The following PTK2 variants were observed in gnomAD, a reference collection of about 807,000 sequenced individuals.
PTK2 encodes the protein focal adhesion kinase 1.
Under a neutral mutation model 150.1 loss-of-function variants are expected in PTK2, and 45 were observed. That is an observed-to-expected ratio of 0.30 (90% CI 0.24 to 0.38). The LOEUF (loss-of-function observed/expected upper bound fraction) is 0.38, where lower values mean the gene tolerates loss of function less well. PTK2 is among the 10% of genes least tolerant of loss of function. PTK2 has a pLI of 1.00. For synonymous variants in PTK2, 432 were observed against 449.2 expected, an observed-to-expected ratio of 0.96 and a Z score of 0.48; for missense variants, 919 against 1,307.3, an observed-to-expected ratio of 0.70 and a Z score of 4.58.
At chr8:140,659,585 G>C (rs1234449412) in exon 32 of PTK2, 1 of 1,614,106 alleles carries the variant, frequency 6.2e-7, no homozygotes, top group Admixed American at 1.7e-5. Context: ...TTGTACTCTT[G>C]CTGGAGGCTG....
At chr8:140,681,745 C>T (rs927308667) in intron 27 of PTK2, among the ~76,000 whole-genome samples, 1 of 152,174 alleles carries the variant, frequency 6.6e-6, no homozygotes, top group Non-Finnish European at 1.5e-5. Flanking sequence ...CCACTGCACT[C>T]CAGCCTGGGC....
intron 1 of PTK2, among the ~76,000 whole-genome samples, chr8:140,961,725 T>C (rs1042839348): frequency 6.6e-6 from 1 of 151,494 alleles, no homozygotes; most frequent in South Asian, 2.1e-4. Context: ...AAGTTAATAC[T>C]AGAGAGCTCA....
chr8:140,691,198 G>A (rs527311559), intron 26 of PTK2, among the ~76,000 whole-genome samples: 1 of 147,214 alleles, frequency 6.8e-6, no homozygotes, highest in South Asian at 2.3e-4. Flanking sequence ...GATGGTTGGG[G>A]GTGGGGGGTC....
At chr8:140,811,180 C>A (rs745328953) in intron 10 of PTK2, among the ~76,000 whole-genome samples, 3 of 152,186 alleles carry the variant, frequency 2.0e-5, no homozygotes, top group Non-Finnish European at 2.9e-5. Flanking sequence ...TCTGGGAGCA[C>A]CCCTACCCCC....
rs753088073 is a variant in PTK2 at position 140,706,255 on chromosome 8, A to G, written c.2143-50T>C. The G allele has an allele frequency of 5.8e-6, 8 of 1,386,736 alleles. No individual in the cohort carries two copies. In the Admixed American group the frequency reaches 1.0e-4, roughly 18 times the overall value. 85.9% of individuals were successfully genotyped at this position (1,386,736 alleles called of 1,614,324 possible). On this transcript the variant is annotated intron_variant, in intron 23 of 31. Transcript: ENST00000522684. ...TGAATGAACCTTTTGATTTTGACAA[A>G]CCTGTACTTTATGAATCGAAAAAGA...
At chr8:140,742,522 C>T (rs1400080872) in intron 20 of PTK2, among the ~76,000 whole-genome samples, 4 of 152,178 alleles carry the variant, frequency 2.6e-5, no homozygotes, top group Non-Finnish European at 4.4e-5. Context: ...GCATCTTTGC[C>T]AGCATATTCT....
At chr8:140,697,412 C>T (rs571753576) in intron 26 of PTK2, among the ~76,000 whole-genome samples, 155 of 134,756 alleles carry the variant, frequency 1.2e-3, no homozygotes, top group Non-Finnish European at 1.8e-3. Context: ...TCTTAGAATA[C>T]GGTTTGTGTG....
At chr8:140,934,885 G>A (rs908023874) in intron 1 of PTK2, among the ~76,000 whole-genome samples, 1 of 151,576 alleles carries the variant, frequency 6.6e-6, no homozygotes, top group Non-Finnish European at 1.5e-5. Flanking sequence ...TTTTCTGTAG[G>A]GAAAAGAAAG....
intron 15 of PTK2, among the ~76,000 whole-genome samples, chr8:140,763,695 T>TCCCCA (rs1228853879): frequency 1.3e-5 from 2 of 151,986 alleles, no homozygotes; most frequent in Non-Finnish European, 2.9e-5. Context: ...TCTGTTTCTC[T>TCCCCA]CCCCACACCT....
intron 4 of PTK2, among the ~76,000 whole-genome samples, chr8:140,868,782 C>T (rs1240406233): frequency 6.6e-6 from 1 of 152,018 alleles, no homozygotes; most frequent in African/African-American, 2.4e-5. Flanking sequence ...CATAATGACA[C>T]AGATTAAGGA....
At chr8:140,715,249 T>G (rs922331437) in intron 23 of PTK2, among the ~76,000 whole-genome samples, 1 of 129,980 alleles carries the variant, frequency 7.7e-6, no homozygotes, top group Non-Finnish European at 1.6e-5. Flanking sequence ...CTCGGCTCAC[T>G]GCAATCTCTG....
intron 1 of PTK2, among the ~76,000 whole-genome samples, chr8:140,993,588 A>G (rs1441861229): frequency 6.6e-6 from 1 of 152,230 alleles, no homozygotes; most frequent in East Asian, 1.9e-4. Context: ...AACAAAGACA[A>G]ACATATAGTG....
intron 12 of PTK2, 116 bp from the exon 13 acceptor site, chr8:140,793,500 T>C: frequency 9.2e-7 from 1 of 1,083,482 alleles, no homozygotes; most frequent in Non-Finnish European, 1.3e-6. Flanking sequence ...AATGACCCTT[T>C]AAAGAAAGTT....
intron 1 of PTK2, among the ~76,000 whole-genome samples, chr8:140,930,230 G>T (rs1429505214): frequency 6.6e-6 from 1 of 152,162 alleles, no homozygotes; most frequent in Non-Finnish European, 1.5e-5. Flanking sequence ...ATTTTTAAAT[G>T]TTGTGTCTGA....
intron 14 of PTK2, among the ~76,000 whole-genome samples, chr8:140,769,251 G>A (rs1446020182): frequency 6.6e-6 from 1 of 152,088 alleles, no homozygotes; most frequent in Non-Finnish European, 1.5e-5. Context: ...AGAGTGTATG[G>A]ACCGCTACCA....
chr8:140,982,289 C>T (rs2100191714), intron 1 of PTK2, among the ~76,000 whole-genome samples: 1 of 152,192 alleles, frequency 6.6e-6, no homozygotes, highest in Non-Finnish European at 1.5e-5. Flanking sequence ...AAGATAGATA[C>T]ACACTGCATC....
intron 1 of PTK2, among the ~76,000 whole-genome samples, chr8:140,981,741 G>GCACT: frequency 6.6e-6 from 1 of 152,298 alleles, no homozygotes; most frequent in Admixed American, 6.5e-5. Context: ...GGATGCTGTA[G>GCACT]CACTGTACAG....
intron 26 of PTK2, among the ~76,000 whole-genome samples, chr8:140,688,449 T>G (rs1315766312): frequency 7.7e-6 from 1 of 130,600 alleles, no homozygotes; most frequent in Admixed American, 7.6e-5. Context: ...TGTGGTGGTG[T>G]GTGCCTGCAA....
In PTK2 at chr8:140,697,852, GTTTTTTTTTTTT is replaced by G. The variant is rs71308981; in HGVS notation, c.2499+3027_2499+3038del. Among the ~76,000 whole-genome samples the G allele has an allele frequency of 1.6e-3, 79 of 48,028 alleles. 1 individual carries two copies. The highest frequency in any genetic ancestry group is 5.7e-3 in the African/African-American group (63 of 11,056). 31.5% of individuals were successfully genotyped at this position (48,028 alleles called of 152,430 possible). A position where few individuals can be genotyped will look rare whatever the true frequency, so the allele number is the denominator to read the frequency against. On this transcript the variant is annotated intron_variant, in intron 26 of 31. Coordinates refer to ENST00000522684, the Ensembl canonical transcript of PTK2. The stretch of plus-strand genomic sequence containing the variant: ...GATCCTCCTCCCTTTAGGGTTTACT[GTTTTTTTTTTTT>G]TTTTTTTTTTTTTTTTTGCCACAGG...
Sources: gnomAD v4.1 joint callset for allele counts (sites outside exome capture counted in the v4.1 genomes callset) on GRCh38, gnomAD v4.1.1 for gene constraint, MANE v1.5 for transcripts, NCBI Gene and HGNC (gene_info 2026-07-23, HGNC 2026-07-21) for gene names.